Variants in TMEM217B observed in about 807,000 individuals in gnomAD.
The protein encoded by TMEM217B is putative transmembrane protein 217B.
chr6:37,253,425 A>G, the TMEM217B span, among the ~76,000 whole-genome samples: 4,853 of 152,096 alleles, frequency 0.032, 247 homozygotes, highest in African/African-American at 0.11. Context: ...AATTCTAAAA[A>G]CTTTCTCTTC....
chr6:37,256,162 T>C, the TMEM217B span, among the ~76,000 whole-genome samples: 1 of 152,354 alleles, frequency 6.6e-6, no homozygotes, highest in African/African-American at 2.4e-5. Context: ...AGGTATCTTG[T>C]CACATGGATG....
the TMEM217B span, among the ~76,000 whole-genome samples, chr6:37,252,236 T>A: frequency 1.3e-5 from 2 of 152,188 alleles, no homozygotes; most frequent in Admixed American, 1.3e-4. Context: ...GAAAGAAGAA[T>A]AATATTCCAT....
At chr6:37,249,326 T>C in the TMEM217B span, among the ~76,000 whole-genome samples, 13 of 152,156 alleles carry the variant, frequency 8.5e-5, no homozygotes, top group East Asian at 1.9e-4. Context: ...TCTTCTTCTT[T>C]TTTTGAGGGG....
the TMEM217B span, among the ~76,000 whole-genome samples, chr6:37,215,718 G>A: frequency 6.6e-6 from 1 of 152,116 alleles, no homozygotes; most frequent in Non-Finnish European, 1.5e-5. Flanking sequence ...TGAGAATCAG[G>A]GGAGGCTTTC....
the TMEM217B span, among the ~76,000 whole-genome samples, chr6:37,254,964 C>T: frequency 6.6e-6 from 1 of 152,194 alleles, no homozygotes; most frequent in African/African-American, 2.4e-5. Context: ...CTTGTATGAG[C>T]AGTTCACAAT....
chr6:37,235,607 C>T, the TMEM217B span, among the ~76,000 whole-genome samples: 2 of 47,394 alleles, frequency 4.2e-5, no homozygotes, highest in Admixed American at 6.0e-4. Context: ...ACCTTGTGAT[C>T]CGTCCACCTT....
chr6:37,251,929 T>C, the TMEM217B span, among the ~76,000 whole-genome samples: 19 of 152,340 alleles, frequency 1.2e-4, no homozygotes, highest in South Asian at 2.3e-3. Context: ...GTTTCACTCT[T>C]GTTGCCCAGG....
chr6:37,222,776 C>A, the TMEM217B span, among the ~76,000 whole-genome samples: 1 of 152,210 alleles, frequency 6.6e-6, no homozygotes, highest in Non-Finnish European at 1.5e-5. Flanking sequence ...TTGGTTTGGG[C>A]GGCTGCAGTA....
chr6:37,229,511 T>G, the TMEM217B span, among the ~76,000 whole-genome samples: 2 of 151,562 alleles, frequency 1.3e-5, no homozygotes, highest in African/African-American at 2.4e-5. Context: ...CCCGGCTAAT[T>G]TTTTGTATTT....
chr6:37,214,432 G>A, the TMEM217B span, among the ~76,000 whole-genome samples: 3 of 152,070 alleles, frequency 2.0e-5, no homozygotes, highest in African/African-American at 7.2e-5. Context: ...TCACCATGTT[G>A]GCCAGGCTGG....
the TMEM217B span, among the ~76,000 whole-genome samples, chr6:37,229,532 C>T: frequency 6.6e-6 from 1 of 151,706 alleles, no homozygotes; most frequent in South Asian, 2.1e-4. Context: ...TTAGTAGAAA[C>T]GGGGTTTCAC....
the TMEM217B span, chr6:37,212,183 T>C: frequency 1.4e-5 from 4 of 288,728 alleles, no homozygotes; most frequent in Admixed American, 5.0e-5. Context: ...ACCAGTGAGA[T>C]GGTTAAGTAA....
the TMEM217B span, among the ~76,000 whole-genome samples, chr6:37,243,269 T>C: frequency 1.3e-5 from 2 of 152,198 alleles, no homozygotes; most frequent in Non-Finnish European, 2.9e-5. Context: ...TAGTTATAAA[T>C]TCGGTTGGCC....
chr6:37,249,650 G>A, the TMEM217B span, among the ~76,000 whole-genome samples: 1 of 152,132 alleles, frequency 6.6e-6, no homozygotes, highest in African/African-American at 2.4e-5. Flanking sequence ...ACTGAACAGA[G>A]ACTAAGATTT....
chr6:37,222,643 C>G, the TMEM217B span, among the ~76,000 whole-genome samples: 1 of 152,226 alleles, frequency 6.6e-6, no homozygotes, highest in Non-Finnish European at 1.5e-5. Context: ...CCTGCCTATT[C>G]CCGGCCCTCC....
chr6:37,243,303 C>T, the TMEM217B span, among the ~76,000 whole-genome samples: 1 of 152,154 alleles, frequency 6.6e-6, no homozygotes, highest in African/African-American at 2.4e-5. Flanking sequence ...CGTTTTCCAG[C>T]TTTCTGTGCA....
chr6:37,221,728 G>A, the TMEM217B span, among the ~76,000 whole-genome samples: 1 of 152,210 alleles, frequency 6.6e-6, no homozygotes, highest in Non-Finnish European at 1.5e-5. Context: ...ACCTTTGCCT[G>A]AGTTCTTGTT....
At chr6:37,228,816 T>C in the TMEM217B span, among the ~76,000 whole-genome samples, 1 of 150,950 alleles carries the variant, frequency 6.6e-6, no homozygotes, top group African/African-American at 2.4e-5. Context: ...ACTAACACGG[T>C]GAAACCCCGT....
At chr6:37,236,139 T>A in the TMEM217B span, among the ~76,000 whole-genome samples, 4 of 152,230 alleles carry the variant, frequency 2.6e-5, no homozygotes, top group Non-Finnish European at 4.4e-5. Context: ...GTGTTTATTT[T>A]ATTTTTAATT....
Sources: allele counts gnomAD v4.1 joint callset (sites outside exome capture counted in the v4.1 genomes callset), GRCh38; gene constraint gnomAD v4.1.1; transcripts MANE v1.5; gene names NCBI Gene and HGNC (gene_info 2026-07-23, HGNC 2026-07-21).